The following ADARB2 variants were observed in gnomAD, a reference collection of about 807,000 sequenced individuals.
The protein encoded by ADARB2 is adenosine deaminase RNA specific B2 (inactive).
In ADARB2, 25 loss-of-function variants were observed where a neutral mutation model predicts 62.2. The observed-to-expected ratio is 0.40, with a 90% confidence interval of 0.29 to 0.56. ADARB2 has a LOEUF of 0.56. ADARB2 is among the 20% of genes least tolerant of loss of function. The pLI, the probability that ADARB2 is intolerant of heterozygous loss-of-function variation, is 0.43. For missense variants in ADARB2, 1,071 were observed against 1,077.4 expected (o/e 0.99, Z 0.08); for synonymous variants, 572 against 500.8 (o/e 1.14, Z -1.90).
At chr10:1,485,487 C>T (rs377206880) in intron 1 of ADARB2, among the ~76,000 whole-genome samples, 38 of 152,214 alleles carry the variant, frequency 2.5e-4, no homozygotes, top group African/African-American at 6.7e-4. Flanking sequence ...CACGCAGCTC[C>T]GCACGCAGCC....
At chr10:1,706,805 C>A (rs1158311393) in intron 1 of ADARB2, among the ~76,000 whole-genome samples, 1 of 151,632 alleles carries the variant, frequency 6.6e-6, no homozygotes, top group East Asian at 1.9e-4. Flanking sequence ...GGCCTTATAA[C>A]AGGAGGAGAC....
chr10:1,599,905 C>T (rs749084885), intron 1 of ADARB2, among the ~76,000 whole-genome samples: 1 of 152,064 alleles, frequency 6.6e-6, no homozygotes, highest in African/African-American at 2.4e-5. Context: ...CATCACCACA[C>T]CTAATTTTTG....
At chr10:1,607,998 C>T (rs954561474) in intron 1 of ADARB2, among the ~76,000 whole-genome samples, 3 of 152,216 alleles carry the variant, frequency 2.0e-5, no homozygotes, top group African/African-American at 4.8e-5. Context: ...GCAATATAGC[C>T]CTGTCCCATG....
intron 1 of ADARB2, chr10:1,556,691 G>A (rs756486866): frequency 9.4e-6 from 5 of 534,426 alleles, no homozygotes; most frequent in East Asian, 5.5e-5. Context: ...TCAGCAAACC[G>A]GGACCAGAGG....
chr10:1,497,129 T>A (rs898424510), intron 1 of ADARB2, among the ~76,000 whole-genome samples: 4 of 152,116 alleles, frequency 2.6e-5, no homozygotes, highest in African/African-American at 9.7e-5. Context: ...ATCAATGAAA[T>A]GGGATAATAA....
At chr10:1,507,597 G>A (rs1407678798) in intron 1 of ADARB2, among the ~76,000 whole-genome samples, 2 of 152,328 alleles carry the variant, frequency 1.3e-5, no homozygotes, top group African/African-American at 4.8e-5. Context: ...GCTTTGAATG[G>A]CAGGGACTGG....
intron 3 of ADARB2, among the ~76,000 whole-genome samples, chr10:1,353,724 C>T (rs1197184725): frequency 6.6e-6 from 1 of 152,022 alleles, no homozygotes; most frequent in Non-Finnish European, 1.5e-5. Context: ...TGTTCCTTTC[C>T]TCCTCATCTC....
chr10:1,225,836 C>T (rs1270328691), intron 6 of ADARB2, among the ~76,000 whole-genome samples: 8 of 152,056 alleles, frequency 5.3e-5, no homozygotes, highest in African/African-American at 1.4e-4. Context: ...TCTGGCTGCC[C>T]TTAACATTTT....
At chr10:1,367,748 G>A (rs1010561522) in intron 2 of ADARB2, among the ~76,000 whole-genome samples, 1 of 152,196 alleles carries the variant, frequency 6.6e-6, no homozygotes, top group Non-Finnish European at 1.5e-5. Flanking sequence ...GGGGATGGAC[G>A]AGACTGTCAG....
rs1411395412 is a variant in ADARB2 at position 1,181,687 on chromosome 10, A to G, written c.*1506T>C. The stretch of plus-strand genomic sequence containing the variant: ...TATTCTTGCACTTTCTGGGGTGGTC[A>G]GCTGGGATTCTTTCCGGGAAGCCCA... On this transcript the variant is annotated 3_prime_UTR_variant, in exon 10 of 10. Transcript: ENST00000381312. The G allele has an allele frequency of 1.3e-5, 2 of 152,246 alleles. No individual in the cohort carries two copies. Among genetic ancestry groups the G allele is most frequent in the Non-Finnish European group, 2.9e-5 (2 of 68,054 alleles). 9.4% of individuals were successfully genotyped at this position (152,246 alleles called of 1,614,324 possible).
intron 4 of ADARB2, among the ~76,000 whole-genome samples, chr10:1,256,800 TAA>T (rs1831083368): frequency 6.6e-6 from 1 of 152,086 alleles, no homozygotes; most frequent in African/African-American, 2.4e-5. Flanking sequence ...AAAAGTCTAT[TAA>T]AAGTCTATTT....
Position 1,363,559 on chromosome 10 carries a change from C to T in ADARB2, c.546G>A (p.Ala182=), listed in dbSNP as rs748392221. 6.4e-6 allele frequency: 10 copies of T among 1,572,644 alleles called. No individual in the cohort carries two copies. Among genetic ancestry groups the T allele is most frequent in the South Asian group, 5.8e-5 (5 of 86,262 alleles). The change falls in exon 3 of 10, where the codon GCG becomes GCA. Residue 182 remains alanine (A), a synonymous_variant. Transcript: ENST00000381312. Reference sequence around the variant, plus strand: ...GCACGAAGGACCTGAGTGCCAGCTCCGCCGCGCGCATCTTGGCCTTCTTCT... The same window carrying T: ...GCACGAAGGACCTGAGTGCCAGCTCTGCCGCGCGCATCTTGGCCTTCTTCT... ...PTKKKAKMRA[A]ELALRSFVQF... is the part of the protein sequence containing the mutation.
Position 1,184,999 on chromosome 10 carries a change from G to A in ADARB2, c.1905C>T (p.Pro635=). ...CCACGACCCAGTTCATGCTGAAGGG[G>A]GGCGACTTCCCCGGCTGGCGCGCCT... ...DAEARQPGKS[P]PFSMNWVVGS... is the part of the protein sequence containing the mutation. Residue 635 remains proline (P), a synonymous_variant, in exon 9 of 10, where the codon CCC becomes CCT. Coordinates refer to ENST00000381312, the MANE Select transcript of ADARB2 (RefSeq NM_018702.4). 1 of 1,613,512 alleles carries A rather than the reference G, an allele frequency of 6.2e-7. No homozygotes were observed. The highest frequency in any genetic ancestry group is 8.5e-7 in the Non-Finnish European group (1 of 1,179,920).
chr10:1,736,998 G>T, intron 1 of ADARB2, 53 bp downstream of exon 1: 1 of 1,578,970 alleles, frequency 6.3e-7, no homozygotes, highest in Non-Finnish European at 8.6e-7. Context: ...AGGCCGGGGT[G>T]GAGAAGCCGG....
chr10:1,316,028 T>C (rs1286030796), intron 3 of ADARB2, among the ~76,000 whole-genome samples: 1 of 152,236 alleles, frequency 6.6e-6, no homozygotes, highest in Non-Finnish European at 1.5e-5. Context: ...CTGCTTTGCA[T>C]AGAAATTAAG....
chr10:1,540,468 C>G, intron 1 of ADARB2, among the ~76,000 whole-genome samples: 1 of 148,346 alleles, frequency 6.7e-6, no homozygotes, highest in Admixed American at 6.7e-5. Context: ...CACAGCCGCC[C>G]AGACCCCACT....
chr10:1,244,405 G>C (rs542209283), intron 4 of ADARB2, among the ~76,000 whole-genome samples: 1 of 152,350 alleles, frequency 6.6e-6, no homozygotes, highest in Admixed American at 6.5e-5. Flanking sequence ...TTCAGGAATA[G>C]GTGCTGTGGC....
intron 1 of ADARB2, among the ~76,000 whole-genome samples, chr10:1,678,842 T>A (rs554857706): frequency 2.6e-5 from 4 of 151,522 alleles, no homozygotes; most frequent in African/African-American, 9.7e-5. Context: ...CGGGCACTTG[T>A]CCCTCCTGGA....
chr10:1,594,615 G>T (rs141031598), intron 1 of ADARB2, among the ~76,000 whole-genome samples: 31 of 152,288 alleles, frequency 2.0e-4, no homozygotes, highest in African/African-American at 7.5e-4. Context: ...CAGACCCTTT[G>T]CAGTGGCCTT....
Sources: gnomAD v4.1 joint callset for allele counts (sites outside exome capture counted in the v4.1 genomes callset) on GRCh38, gnomAD v4.1.1 for gene constraint, MANE v1.5 for transcripts, NCBI Gene and HGNC (gene_info 2026-07-23, HGNC 2026-07-21) for gene names.